TOGARAM2: variants seen among roughly 807,000 people sequenced by gnomAD.
TOGARAM2 encodes the protein TOG array regulator of axonemal microtubules 2.
Under a neutral mutation model 93.3 loss-of-function variants are expected in TOGARAM2, and 85 were observed. The ratio of observed to expected loss-of-function variants is 0.91; its 90% confidence interval spans 0.76 to 1.09. TOGARAM2 has a LOEUF of 1.09. TOGARAM2 is among the 50% of genes least tolerant of loss of function. The probability of loss-of-function intolerance (pLI) is 0.00; values close to 1 mark genes in which losing one functional copy is unlikely to be tolerated. For synonymous variants in TOGARAM2, 593 were observed against 552.8 expected (o/e 1.07, Z -1.02); for missense variants, 1,277 against 1,334.5 (o/e 0.96, Z 0.67).
In TOGARAM2 at chr2:29,011,501, G is replaced by T; in HGVS notation, c.877G>T (p.Glu293Ter). 6.2e-7 allele frequency: 1 copy of T among 1,604,490 alleles called. No individual in the cohort carries two copies. Among genetic ancestry groups the T allele is most frequent in the South Asian group, 1.1e-5 (1 of 89,596 alleles). The change falls in exon 7 of 20, where the codon GAG becomes TAG. Residue 293 changes from glutamate to a stop codon, truncating the protein, a stop_gained and splice_region_variant. Transcript: ENST00000379558. LOFTEE classifies it high-confidence loss of function. ...TCGGGAGAAGACCCCTGCATCTCTG[G>T]GTACGTATCTTCCATGCACACCTCC... ...GPREKTPASL[E>*]PKPLASPIRD...
intron 1 of TOGARAM2, among the ~76,000 whole-genome samples, chr2:28,974,123 T>C (rs1213907482): frequency 7.9e-6 from 1 of 125,824 alleles, no homozygotes; most frequent in Non-Finnish European, 1.6e-5. Flanking sequence ...GATTATAATA[T>C]ATCCTTTTTT....
intron 18 of TOGARAM2, among the ~76,000 whole-genome samples, chr2:29,037,268 TTTC>T (rs1280475780): frequency 6.6e-6 from 1 of 152,172 alleles, no homozygotes; most frequent in Non-Finnish European, 1.5e-5. Flanking sequence ...CTGCTTGTGT[TTTC>T]TTATTCCTCT....
At chr2:28,976,076 A>G (rs1418046252) in intron 1 of TOGARAM2, among the ~76,000 whole-genome samples, 3 of 152,258 alleles carry the variant, frequency 2.0e-5, no homozygotes, top group Non-Finnish European at 4.4e-5. Flanking sequence ...TTATAAAAAC[A>G]TATCAAATTC....
chr2:28,985,113 GTAAT>G (rs1432282713), intron 1 of TOGARAM2, among the ~76,000 whole-genome samples: 1 of 152,138 alleles, frequency 6.6e-6, no homozygotes, highest in East Asian at 1.9e-4. Flanking sequence ...CCTTCGGGAG[GTAAT>G]TAGATTCAGA....
chr2:29,010,228 C>T (rs915482102), intron 6 of TOGARAM2, among the ~76,000 whole-genome samples: 6 of 152,140 alleles, frequency 3.9e-5, no homozygotes, highest in Admixed American at 6.5e-5. Context: ...TTCCCCTCCC[C>T]GCCCGCCTCC....
intron 6 of TOGARAM2, among the ~76,000 whole-genome samples, chr2:29,005,380 A>C (rs111214506): frequency 3.5e-5 from 5 of 142,850 alleles, no homozygotes; most frequent in Admixed American, 6.8e-5. Context: ...ACGTGCATGT[A>C]TGTGGGTGCA....
At chr2:29,021,057 G>A (rs1194926263) in intron 10 of TOGARAM2, among the ~76,000 whole-genome samples, 1 of 152,172 alleles carries the variant, frequency 6.6e-6, no homozygotes, top group African/African-American at 2.4e-5. Flanking sequence ...GGGATTACAG[G>A]CATGTACCAC....
chr2:29,016,818 C>T (rs1388207915), intron 8 of TOGARAM2, among the ~76,000 whole-genome samples: 1 of 152,240 alleles, frequency 6.6e-6, no homozygotes, highest in African/African-American at 2.4e-5. Flanking sequence ...GCTTCAAACA[C>T]TTCTCTCCTA....
Position 29,036,724 on chromosome 2 carries a change from G to A in TOGARAM2, c.2602G>A (p.Val868Met), listed in dbSNP as rs760807481. The A allele has an allele frequency of 3.7e-6, 6 of 1,613,740 alleles. No individual in the cohort carries two copies. The highest frequency in any genetic ancestry group is 1.1e-5 in the South Asian group (1 of 91,042). Residue 868 changes from valine to methionine, a missense_variant, in exon 18 of 20, where the codon GTG (valine) becomes ATG (methionine). Physicochemically the swap from Val to Met is conservative, Grantham distance 21. Coordinates refer to ENST00000379558, the MANE Select transcript of TOGARAM2 (RefSeq NM_199280.4). ...SKNSGIYAAA[V>M]AVLDAMVESL... is the part of the protein sequence containing the mutation. ...GAACTCAGGGATTTACGCTGCTGCCGTGGCTGTGCTGGATGCGATGGTTGA... is the reference window on the plus strand; with the variant it reads ...GAACTCAGGGATTTACGCTGCTGCCATGGCTGTGCTGGATGCGATGGTTGA...
At chr2:28,983,180 A>ATG (rs1672291326) in intron 1 of TOGARAM2, among the ~76,000 whole-genome samples, 1 of 36,376 alleles carries the variant, frequency 2.7e-5, no homozygotes, top group African/African-American at 7.7e-5. Context: ...ATATATAAAT[A>ATG]TATATATATA....
chr2:29,034,845 C>T (rs1665985616), intron 16 of TOGARAM2, among the ~76,000 whole-genome samples: 1 of 152,162 alleles, frequency 6.6e-6, no homozygotes. Context: ...TCTTTCCCCA[C>T]TCTTACATTA....
At position 29,014,679 on chromosome 2, in the gene TOGARAM2, A is replaced by C. The variant is rs958645434; in HGVS notation, c.1044+118A>C. ...ACCAGCCACAGAGCAGAGCAAGGAG[A>C]GCCCGAGGCAGCCACCCAAGTACTA... On this transcript the variant is annotated intron_variant, in intron 8 of 19. Coordinates refer to ENST00000379558, the MANE Select transcript of TOGARAM2 (RefSeq NM_199280.4). The C allele has an allele frequency of 1.4e-5, 18 of 1,296,166 alleles. No individual in the cohort carries two copies. In the African/African-American group the frequency reaches 2.1e-4, roughly 15 times the overall value. 80.3% of individuals were successfully genotyped at this position (1,296,166 alleles called of 1,614,324 possible).
chr2:29,018,859 C>T (rs867742080), intron 10 of TOGARAM2, among the ~76,000 whole-genome samples: 56 of 152,284 alleles, frequency 3.7e-4, no homozygotes, highest in African/African-American at 1.3e-3. Context: ...ATGGTGGCAC[C>T]TCTCTCTTTA....
intron 6 of TOGARAM2, among the ~76,000 whole-genome samples, chr2:29,005,522 T>G (rs1673694769): frequency 7.1e-6 from 1 of 141,312 alleles, no homozygotes; most frequent in Non-Finnish European, 1.5e-5. Context: ...TAACTACGTG[T>G]GTGAAGCCAT....
rs1473618731 is a variant in TOGARAM2 at position 28,999,215 on chromosome 2, C to G, written c.174C>G (p.Asn58Lys). ...AGCCTGAGCCAAGAGCCCTGCTGAACAACGAGGAACCGTCACAGCTCCTGC... is the reference window on the plus strand; with the variant it reads ...AGCCTGAGCCAAGAGCCCTGCTGAAGAACGAGGAACCGTCACAGCTCCTGC... ...SLQPEPRALL[N>K]NEEPSQLLRG... Residue 58 changes from asparagine to lysine, a missense_variant, in exon 4 of 20, where the codon AAC becomes AAG. Transcript: ENST00000379558. 7 of 1,613,776 alleles carry G rather than the reference C, an allele frequency of 4.3e-6. No individual in the cohort carries two copies. In the East Asian group the frequency reaches 1.6e-4, roughly 36 times the overall value.
intron 10 of TOGARAM2, among the ~76,000 whole-genome samples, chr2:29,021,421 C>T (rs1385123805): frequency 6.6e-6 from 1 of 152,166 alleles, no homozygotes; most frequent in African/African-American, 2.4e-5. Flanking sequence ...TGTGGAGGGT[C>T]CCCCACCCTC....
chr2:29,045,611 T>A, intron 19 of TOGARAM2: 1 of 598,072 alleles, frequency 1.7e-6, no homozygotes, highest in Non-Finnish European at 3.0e-6. Context: ...CAAAATGAAG[T>A]AGGTTTGTAC....
At chr2:28,976,116 A>G (rs1364061934) in intron 1 of TOGARAM2, among the ~76,000 whole-genome samples, 1 of 152,232 alleles carries the variant, frequency 6.6e-6, no homozygotes, top group Non-Finnish European at 1.5e-5. Context: ...CACGCCTGTA[A>G]TCCCAGCACT....
At chr2:28,978,200 C>G (rs1285914039), upstream of TOGARAM2, among the ~76,000 whole-genome samples, 1 of 152,062 alleles carries the variant, frequency 6.6e-6, no homozygotes, top group South Asian at 2.1e-4. Flanking sequence ...AGCCACCGTG[C>G]CCGGCCGGAG....
Sources: allele counts gnomAD v4.1 joint callset (sites outside exome capture counted in the v4.1 genomes callset), GRCh38; gene constraint gnomAD v4.1.1; transcripts MANE v1.5; gene names NCBI Gene and HGNC (gene_info 2026-07-23, HGNC 2026-07-21).